EMILIN2: variants seen among roughly 807,000 people sequenced by gnomAD.
EMILIN2 encodes the protein elastin microfibril interfacer 2.
In EMILIN2, 71 loss-of-function variants were observed where a neutral mutation model predicts 87.1. That is an observed-to-expected ratio of 0.82 (90% confidence interval 0.67 to 0.99). The LOEUF is 0.99. Among genes scored for constraint, EMILIN2 ranks in the 50% least tolerant of loss-of-function variants. The pLI is 0.00. For synonymous variants in EMILIN2, 581 were observed against 563.4 expected (o/e 1.03, Z -0.44); for missense variants, 1,407 against 1,371.8 (o/e 1.03, Z -0.40).
chr18:2,872,050 A>G (rs150696850), intron 2 of EMILIN2, among the ~76,000 whole-genome samples: 2 of 152,232 alleles, frequency 1.3e-5, no homozygotes, highest in Non-Finnish European at 2.9e-5. Flanking sequence ...TCTTTGGCCA[A>G]GCTGGGACTA....
chr18:2,887,135 T>A (rs2076807093), intron 3 of EMILIN2, among the ~76,000 whole-genome samples: 1 of 152,188 alleles, frequency 6.6e-6, no homozygotes, highest in South Asian at 2.1e-4. Flanking sequence ...GAAATCTAGG[T>A]CAGAAATCAC....
chr18:2,861,026 A>G (rs1425617669), intron 2 of EMILIN2, among the ~76,000 whole-genome samples: 1 of 152,170 alleles, frequency 6.6e-6, no homozygotes, highest in Non-Finnish European at 1.5e-5. Flanking sequence ...TTGGCTGCAT[A>G]AATGTCTTCT....
In EMILIN2 at chr18:2,906,979, G is replaced by C. The variant is rs1598506145; in HGVS notation, c.2556G>C (p.Gly852=). Residue 852 remains glycine, a synonymous_variant, in exon 5 of 8, where the codon GGG becomes GGC. Transcript: ENST00000254528. ...TGVIAETGQA[G]PPAGAGVSGR... ...TCATCGCGGAGACGGGCCAGGCCGG[G>C]CCCCCCGCAGGCGCAGGCGTGTCTG... The C allele has an allele frequency of 7.2e-6, 10 of 1,388,358 alleles. No individual in the cohort carries two copies. In the East Asian group the frequency reaches 2.2e-4, roughly 30 times the overall value. The allele number at this position is 1,388,358 out of a possible 1,614,324, so 86.0% of individuals were successfully genotyped here. A position where few individuals can be genotyped will look rare whatever the true frequency, so the allele number is the denominator to read the frequency against.
At position 2,906,963 on chromosome 18, in the gene EMILIN2, A is replaced by G; in HGVS notation, c.2540A>G (p.Glu847Gly). 1 of 1,403,582 alleles carries G rather than the reference A, an allele frequency of 7.1e-7. No homozygotes were observed. Among genetic ancestry groups the G allele is most frequent in the Non-Finnish European group, 9.3e-7 (1 of 1,077,308 alleles). The allele number at this position is 1,403,582 out of a possible 1,614,324, so 86.9% of individuals were successfully genotyped here. A position where few individuals can be genotyped will look rare whatever the true frequency, so the allele number is the denominator to read the frequency against. ...CCAGGCTCCACCGGGGTCATCGCGGAGACGGGCCAGGCCGGGCCCCCCGCA... is the reference window on the plus strand; with the variant it reads ...CCAGGCTCCACCGGGGTCATCGCGGGGACGGGCCAGGCCGGGCCCCCCGCA... ...QPPGSTGVIA[E>G]TGQAGPPAGA... Residue 847 changes from glutamate to glycine, a missense_variant, in exon 5 of 8, where the codon GAG (glutamate) becomes GGG (glycine). Physicochemically the swap from Glu to Gly is moderately conservative, Grantham distance 98. Coordinates refer to ENST00000254528, the MANE Select transcript of EMILIN2 (RefSeq NM_032048.3).
intron 2 of EMILIN2, among the ~76,000 whole-genome samples, chr18:2,870,891 A>G (rs1307557267): frequency 6.6e-6 from 1 of 152,180 alleles, no homozygotes; most frequent in Non-Finnish European, 1.5e-5. Flanking sequence ...GTCTCTTCAC[A>G]TAATCTTCCC....
In EMILIN2 at chr18:2,891,719, G is replaced by A. The variant is rs137952217; in HGVS notation, c.1592G>A (p.Gly531Glu). The change falls in exon 4 of 8, where the codon GGA becomes GAA. Residue 531 changes from glycine (G) to glutamate (E), a missense_variant. Coordinates refer to ENST00000254528, the MANE Select transcript of EMILIN2 (RefSeq NM_032048.3). The surrounding 1 kb of genome is among the most constrained non-coding windows in gnomAD (Gnocchi z 4.6). Reference sequence around the variant, plus strand: ...GCCCTGCCAGGAGTGTCAGGGTCAGGAGATGAACGGGTCATGATGGAATTA... The same window carrying A: ...GCCCTGCCAGGAGTGTCAGGGTCAGAAGATGAACGGGTCATGATGGAATTA... ...AAALPGVSGS[G>E]DERVMMELNH... 3.1e-6 allele frequency: 5 copies of A among 1,614,188 alleles called. No homozygotes were observed. Among genetic ancestry groups the A allele is most frequent in the African/African-American group, 1.3e-5 (1 of 75,042 alleles).
chr18:2,860,169 T>C (rs1278440509), intron 2 of EMILIN2, among the ~76,000 whole-genome samples: 1 of 152,204 alleles, frequency 6.6e-6, no homozygotes, highest in Non-Finnish European at 1.5e-5. Context: ...AGTATGGTCA[T>C]TTTCACAATA....
chr18:2,896,648 G>A (rs1220761439), intron 4 of EMILIN2, among the ~76,000 whole-genome samples: 2 of 151,364 alleles, frequency 1.3e-5, no homozygotes, highest in African/African-American at 2.4e-5. Context: ...CTAATTTTTT[G>A]TTATTTATTT....
Position 2,890,657 on chromosome 18 carries a change from A to G in EMILIN2, c.530A>G (p.Gln177Arg), listed in dbSNP as rs1295113250. The G allele has an allele frequency of 6.2e-7, 1 of 1,614,152 alleles. No homozygotes were observed. The highest frequency in any genetic ancestry group is 2.2e-5 in the East Asian group (1 of 44,882). ...SWGVDPKEGP[Q>R]ELQEKKIQVL... ...GGGGTAGATCCAAAAGAGGGGCCTC[A>G]GGAACTTCAGGAAAAGAAGATACAG... The change falls in exon 4 of 8, where the codon CAG becomes CGG. Residue 177 changes from glutamine to arginine, a missense_variant. Coordinates refer to ENST00000254528, the MANE Select transcript of EMILIN2 (RefSeq NM_032048.3). The surrounding 1 kb of genome is among the most constrained non-coding windows in gnomAD (Gnocchi z 4.7).
rs777935941 is a variant in EMILIN2, at chr18:2,891,652, A to G, written c.1525A>G (p.Thr509Ala). Residue 509 changes from threonine to alanine, a missense_variant, in exon 4 of 8, where the codon ACC (threonine) becomes GCC (alanine). Physicochemically the swap from Thr to Ala is moderately conservative, Grantham distance 58. Coordinates refer to ENST00000254528, the MANE Select transcript of EMILIN2 (RefSeq NM_032048.3). The surrounding 1 kb of genome is among the most constrained non-coding windows in gnomAD (Gnocchi z 4.6). ...TCTGGGGAGCGTTCTCCTACAGATGACCAATAACACTGGTGCAGAGCTCAG... is the reference window on the plus strand; with the variant it reads ...TCTGGGGAGCGTTCTCCTACAGATGGCCAATAACACTGGTGCAGAGCTCAG... ...DRLGSVLLQMTNNTGAELSPP... is the reference protein window; with the variant it reads ...DRLGSVLLQMANNTGAELSPP... The G allele has an allele frequency of 3.7e-6, 6 of 1,614,094 alleles. No homozygotes were observed. Among genetic ancestry groups the G allele is most frequent in the Non-Finnish European group, 5.1e-6 (6 of 1,180,032 alleles).
chr18:2,903,333 G>C (rs28497228), intron 4 of EMILIN2, among the ~76,000 whole-genome samples: 5,255 of 152,178 alleles, frequency 0.035, 286 homozygotes, highest in African/African-American at 0.12. Flanking sequence ...GAAACAGGCC[G>C]TCAGTGTCTT....
At chr18:2,877,506 G>T (rs1313431548) in intron 2 of EMILIN2, among the ~76,000 whole-genome samples, 1 of 150,688 alleles carries the variant, frequency 6.6e-6, no homozygotes, top group Non-Finnish European at 1.5e-5. Context: ...TCTACTGGCT[G>T]GGCGCGGTGG....
chr18:2,875,757 T>A (rs2076744436), intron 2 of EMILIN2, among the ~76,000 whole-genome samples: 1 of 152,146 alleles, frequency 6.6e-6, no homozygotes, highest in South Asian at 2.1e-4. Flanking sequence ...AAGGTACGGC[T>A]CTCCTAGCAA....
intron 5 of EMILIN2, among the ~76,000 whole-genome samples, chr18:2,907,641 CGTG>C (rs1255063812): frequency 1.3e-5 from 2 of 152,200 alleles, no homozygotes; most frequent in South Asian, 2.1e-4. Flanking sequence ...CCATTACTGT[CGTG>C]GTGACAGTGG....
chr18:2,856,830 G>A (rs2076630150), intron 2 of EMILIN2, among the ~76,000 whole-genome samples: 1 of 152,134 alleles, frequency 6.6e-6, no homozygotes, highest in Non-Finnish European at 1.5e-5. Context: ...TCCTTACAAA[G>A]AACCATTTTC....
At chr18:2,887,615 G>A (rs2076809578) in intron 3 of EMILIN2, among the ~76,000 whole-genome samples, 1 of 152,116 alleles carries the variant, frequency 6.6e-6, no homozygotes, top group Non-Finnish European at 1.5e-5. Flanking sequence ...TCCGTCATGA[G>A]TAGAAGCTTC....
rs1003567325 is a variant in EMILIN2, at chr18:2,873,904, G to A, written c.258-11060G>A. Among the ~76,000 whole-genome samples the A allele has an allele frequency of 2.0e-5, 3 of 152,032 alleles. No homozygotes were observed. The East Asian group carries it at 5.8e-4, about 29-fold the overall frequency. On this transcript the variant is annotated intron_variant, in intron 2 of 7. Coordinates refer to ENST00000254528, the MANE Select transcript of EMILIN2 (RefSeq NM_032048.3). ...TGTCCTGCGGCCTCCTAAGTTCTGCGCTAGCTCTCTGAACCACTCTGGGTT... is the reference window on the plus strand; with the variant it reads ...TGTCCTGCGGCCTCCTAAGTTCTGCACTAGCTCTCTGAACCACTCTGGGTT...
intron 7 of EMILIN2, 41 bp downstream of exon 7, chr18:2,909,860 C>T: frequency 6.3e-7 from 1 of 1,597,416 alleles, no homozygotes; most frequent in Non-Finnish European, 8.5e-7. Flanking sequence ...CCTCCTCCTA[C>T]CCCAACGCAG....
chr18:2,898,109 C>A (rs2144051898), intron 4 of EMILIN2, among the ~76,000 whole-genome samples: 1 of 152,332 alleles, frequency 6.6e-6, no homozygotes, highest in African/African-American at 2.4e-5. Flanking sequence ...ACTCTCTCAG[C>A]AGGCATCCTC....
Sources: allele counts gnomAD v4.1 joint callset (sites outside exome capture counted in the v4.1 genomes callset), GRCh38; gene constraint gnomAD v4.1.1; non-coding constraint Gnocchi (gnomAD v3.1); transcripts MANE v1.5; gene names NCBI Gene and HGNC (gene_info 2026-07-23, HGNC 2026-07-21).